The following SUGCT variants were observed in gnomAD, a reference collection of about 807,000 sequenced individuals.
SUGCT encodes succinyl-CoA:glutarate-CoA transferase.
SUGCT carries 41 observed loss-of-function variants against 55.0 expected under a neutral mutation model. The observed-to-expected ratio is 0.74, with a 90% CI of 0.58 to 0.97. The LOEUF is 0.97. Among genes scored for constraint, SUGCT ranks in the 50% least tolerant of loss-of-function variants. SUGCT has a pLI of 0.00. For missense variants in SUGCT, 568 were observed against 547.8 expected, an observed-to-expected ratio of 1.04 and a Z score of -0.37; for synonymous variants, 187 against 200.4, an observed-to-expected ratio of 0.93 and a Z score of 0.56.
chr7:40,291,375 A>T (rs1424663544), intron 8 of SUGCT, among the ~76,000 whole-genome samples: 2 of 150,940 alleles, frequency 1.3e-5, no homozygotes, highest in Non-Finnish European at 2.9e-5. Context: ...TGAAACTGGA[A>T]ACCATCATTC....
rs941742783 is a variant in SUGCT at position 40,472,279 on chromosome 7, G to A, written c.986+13081G>A. Among the ~76,000 whole-genome samples, 5 of 152,088 alleles carry A rather than the reference G, an allele frequency of 3.3e-5. No individual in the cohort carries two copies. In the South Asian group the frequency reaches 6.2e-4, roughly 19 times the overall value. ...GTTCACAATCATGAAATAGTGCAAA[G>A]CACATACACATCTGGCATTAGAGAA... On this transcript the variant is annotated intron_variant, in intron 11 of 13. Coordinates refer to ENST00000335693, the MANE Select transcript of SUGCT (RefSeq NM_001193313.2).
At chr7:40,911,330 G>T in the SUGCT span, among the ~76,000 whole-genome samples, 6 of 152,270 alleles carry the variant, frequency 3.9e-5, no homozygotes, top group East Asian at 1.2e-3. Flanking sequence ...TTTGAGTACA[G>T]TTCAAAGTCA....
chr7:40,739,000 C>T (rs1258091143), intron 12 of SUGCT, among the ~76,000 whole-genome samples: 1 of 152,078 alleles, frequency 6.6e-6, no homozygotes, highest in Non-Finnish European at 1.5e-5. Context: ...TCACATTATA[C>T]CCACAGGAGA....
chr7:40,925,757 G>A, the SUGCT span, among the ~76,000 whole-genome samples: 1 of 152,080 alleles, frequency 6.6e-6, no homozygotes, highest in South Asian at 2.1e-4. Flanking sequence ...CCTCAGCAGA[G>A]TCACGAATCA....
At chr7:40,231,077 T>A (rs1264472915) in intron 6 of SUGCT, among the ~76,000 whole-genome samples, 1 of 152,130 alleles carries the variant, frequency 6.6e-6, no homozygotes, top group African/African-American at 2.4e-5. Context: ...ATTAGAGAGA[T>A]GAGAATGAGA....
chr7:40,453,502 T>G (rs1366192307), intron 10 of SUGCT, among the ~76,000 whole-genome samples: 3 of 152,194 alleles, frequency 2.0e-5, no homozygotes, highest in Non-Finnish European at 4.4e-5. Flanking sequence ...CCAAAGATGA[T>G]AGGAACTGAA....
At chr7:40,355,680 C>T (rs1797853493) in intron 9 of SUGCT, among the ~76,000 whole-genome samples, 1 of 152,166 alleles carries the variant, frequency 6.6e-6, no homozygotes, top group African/African-American at 2.4e-5. Flanking sequence ...GACAGATTTA[C>T]TAATGAGAAG....
At chr7:40,749,876 G>A (rs1007686578) in intron 13 of SUGCT, among the ~76,000 whole-genome samples, 2 of 152,176 alleles carry the variant, frequency 1.3e-5, no homozygotes, top group African/African-American at 4.8e-5. Flanking sequence ...CAGGCAAGAT[G>A]TAACTGGAGT....
intron 12 of SUGCT, among the ~76,000 whole-genome samples, chr7:40,658,619 T>C (rs1801143050): frequency 6.6e-6 from 1 of 152,158 alleles, no homozygotes; most frequent in Non-Finnish European, 1.5e-5. Flanking sequence ...TTGATCTAGT[T>C]CTGTCTGATG....
intron 11 of SUGCT, among the ~76,000 whole-genome samples, chr7:40,495,862 A>T (rs531047228): frequency 1.3e-5 from 2 of 152,200 alleles, no homozygotes; most frequent in African/African-American, 4.8e-5. Context: ...AAGCTTTCTT[A>T]AAACAGCTAT....
At chr7:40,940,015 G>A in the SUGCT span, among the ~76,000 whole-genome samples, 1 of 151,956 alleles carries the variant, frequency 6.6e-6, no homozygotes, top group East Asian at 1.9e-4. Context: ...TCAGGTCTTA[G>A]ATTTAAGACT....
chr7:40,254,347 G>A (rs540892584), intron 7 of SUGCT, among the ~76,000 whole-genome samples: 1 of 151,206 alleles, frequency 6.6e-6, no homozygotes, highest in Non-Finnish European at 1.5e-5. Context: ...ATTGTGGAAG[G>A]ATTATGTCTT....
chr7:40,225,314 C>T (rs1166542280), intron 6 of SUGCT, among the ~76,000 whole-genome samples: 1 of 152,008 alleles, frequency 6.6e-6, no homozygotes, highest in Non-Finnish European at 1.5e-5. Context: ...GTTTTAGATG[C>T]TGTGTAATTA....
intron 7 of SUGCT, among the ~76,000 whole-genome samples, chr7:40,272,087 C>CTA (rs1792067562): frequency 4.6e-5 from 5 of 108,764 alleles, no homozygotes; most frequent in East Asian, 2.3e-4. Context: ...CTCTCTCTCT[C>CTA]TCTCTCTCTA....
intron 2 of SUGCT, 85 bp downstream of exon 2, chr7:40,181,083 CTT>C (rs1193985639): frequency 8.8e-6 from 8 of 909,738 alleles, no homozygotes; most frequent in Non-Finnish European, 3.5e-6. Context: ...TAAGAAGAGA[CTT>C]ATATGCTTAT....
chr7:40,982,656 A>G, the SUGCT span, among the ~76,000 whole-genome samples: 134 of 149,652 alleles, frequency 9.0e-4, 1 homozygote, highest in African/African-American at 3.2e-3. Context: ...TCTCTTTTTG[A>G]TTTTTTTTTT....
intron 9 of SUGCT, among the ~76,000 whole-genome samples, chr7:40,357,391 T>C (rs1355024686): frequency 1.3e-5 from 2 of 152,232 alleles, no homozygotes; most frequent in African/African-American, 4.8e-5. Flanking sequence ...TCTTCTCTTT[T>C]CTTCTTTTGA....
In SUGCT at chr7:40,622,504, A is replaced by C. The variant is rs376133108; in HGVS notation, c.1089+126118A>C. On this transcript the variant is annotated intron_variant, in intron 12 of 13. Transcript: ENST00000335693. ...ACTTTTTTCATTGATCTCAGACTTAACTGCCCTCATGTTTGTTGTGGTTGT... is the reference window on the plus strand; with the variant it reads ...ACTTTTTTCATTGATCTCAGACTTACCTGCCCTCATGTTTGTTGTGGTTGT... Among the ~76,000 whole-genome samples the C allele has an allele frequency of 5.1e-4, 74 of 146,358 alleles. No individual in the cohort carries two copies. The South Asian group carries it at 9.9e-3, about 20-fold the overall frequency.
chr7:40,919,290 A>C, the SUGCT span, among the ~76,000 whole-genome samples: 2 of 152,084 alleles, frequency 1.3e-5, no homozygotes, highest in African/African-American at 2.4e-5. Context: ...CACTCTACTC[A>C]TCTTTCCCTA....
Sources: gnomAD v4.1 joint callset for allele counts (sites outside exome capture counted in the v4.1 genomes callset) on GRCh38, gnomAD v4.1.1 for gene constraint, MANE v1.5 for transcripts, NCBI Gene and HGNC (gene_info 2026-07-23, HGNC 2026-07-21) for gene names.